Variants in TLE4 observed in about 807,000 individuals in gnomAD.
TLE4 encodes transducin-like enhancer protein 4.
In TLE4, 8 loss-of-function variants were observed where a neutral mutation model predicts 92.8. The ratio of observed to expected loss-of-function variants is 0.09; its 90% CI spans 0.05 to 0.16. The LOEUF is 0.16. TLE4 is among the 10% of genes least tolerant of loss of function. The pLI, the probability that TLE4 is intolerant of heterozygous loss-of-function variation, is 1.00. For missense variants in TLE4, 675 were observed against 997.6 expected, an observed-to-expected ratio of 0.68 and a Z score of 4.36; for synonymous variants, 371 against 374.1, an observed-to-expected ratio of 0.99 and a Z score of 0.10.
chr9:79,676,954 A>C (rs1420839992), intron 8 of TLE4, among the ~76,000 whole-genome samples: 1 of 152,170 alleles, frequency 6.6e-6, no homozygotes, highest in African/African-American at 2.4e-5. Context: ...CATGTGTTTG[A>C]AGATGCATTT....
intron 8 of TLE4, 171 bp from the exon 9 acceptor site, chr9:79,704,612 A>G (rs1275281738): frequency 2.6e-6 from 2 of 768,990 alleles, no homozygotes; most frequent in African/African-American, 3.6e-5. Context: ...CTTTCCCTTT[A>G]TATCCCTGTT....
intron 8 of TLE4, among the ~76,000 whole-genome samples, chr9:79,669,069 T>A (rs939834933): frequency 6.6e-6 from 1 of 152,176 alleles, no homozygotes; most frequent in African/African-American, 2.4e-5. Flanking sequence ...ATTTTCCCTA[T>A]CACAAACCAA....
intron 8 of TLE4, among the ~76,000 whole-genome samples, chr9:79,696,217 A>G (rs2068218981): frequency 1.3e-5 from 2 of 152,356 alleles, no homozygotes; most frequent in East Asian, 1.9e-4. Context: ...TTTTTGAAGT[A>G]TTGGATTAAA....
chr9:79,654,585 G>A (rs2059503966), intron 8 of TLE4, among the ~76,000 whole-genome samples: 2 of 150,104 alleles, frequency 1.3e-5, no homozygotes, highest in African/African-American at 2.5e-5. Context: ...TTAACATTTT[G>A]GTATCTGGTA....
At chr9:79,660,931 A>T (rs971937224) in intron 8 of TLE4, among the ~76,000 whole-genome samples, 1 of 152,168 alleles carries the variant, frequency 6.6e-6, no homozygotes, top group African/African-American at 2.4e-5. Context: ...CCTGGTTGGC[A>T]GGTTGGCTTT....
chr9:79,647,868 G>C (rs2058334459), intron 6 of TLE4, among the ~76,000 whole-genome samples: 1 of 152,030 alleles, frequency 6.6e-6, no homozygotes. Context: ...CAGTGGTGGA[G>C]ATTACTTTGA....
chr9:79,658,523 A>G (rs1363041946), intron 8 of TLE4, among the ~76,000 whole-genome samples: 1 of 152,150 alleles, frequency 6.6e-6, no homozygotes, highest in Admixed American at 6.5e-5. Context: ...TCTATCCCCC[A>G]TTTATTATGT....
intron 8 of TLE4, among the ~76,000 whole-genome samples, chr9:79,657,727 C>T (rs777105064): frequency 1.3e-5 from 2 of 152,144 alleles, no homozygotes; most frequent in Non-Finnish European, 2.9e-5. Flanking sequence ...CGTCTTATTT[C>T]CCACTCCGTC....
intron 4 of TLE4, among the ~76,000 whole-genome samples, chr9:79,600,354 T>A (rs570866753): frequency 6.6e-6 from 1 of 152,034 alleles, no homozygotes; most frequent in African/African-American, 2.4e-5. Flanking sequence ...CAGTTTGTGG[T>A]TGGGGACTTG....
intron 6 of TLE4, among the ~76,000 whole-genome samples, chr9:79,633,968 C>G (rs886309018): frequency 1.3e-5 from 2 of 152,128 alleles, no homozygotes; most frequent in Non-Finnish European, 2.9e-5. Flanking sequence ...TCTCAAAGCT[C>G]CCTAAGAAAC....
Position 79,652,652 on chromosome 9 carries a change from A to G in TLE4, c.450A>G (p.Pro150=). 8 of 1,614,098 alleles carry G rather than the reference A, an allele frequency of 5.0e-6. No homozygotes were observed. Among genetic ancestry groups the G allele is most frequent in the Non-Finnish European group, 5.9e-6 (7 of 1,179,998 alleles). Residue 150 remains proline, a synonymous_variant, in exon 7 of 20, where the codon CCA becomes CCG. Coordinates refer to ENST00000376552, the MANE Select transcript of TLE4 (RefSeq NM_007005.6). ...ATGGTCTCCCCGTACCTCTGACTCC[A>G]CACCCTTCAGGGCTCCAGCCCCCTG... is the stretch of plus-strand genomic sequence containing the variant. The part of the protein sequence containing the change: ...HGHGLPVPLT[P]HPSGLQPPAI...
intron 6 of TLE4, among the ~76,000 whole-genome samples, chr9:79,651,041 C>A (rs2058883145): frequency 2.5e-5 from 1 of 40,132 alleles, no homozygotes; most frequent in African/African-American, 4.6e-5. Flanking sequence ...ATCTCTCTCT[C>A]TCTCTCTCTC....
chr9:79,711,820 T>C (rs932719816), intron 14 of TLE4, among the ~76,000 whole-genome samples: 1 of 152,164 alleles, frequency 6.6e-6, no homozygotes, highest in Non-Finnish European at 1.5e-5. Flanking sequence ...GATTGGAGGA[T>C]TGTTGAGAAT....
At chr9:79,692,513 G>A (rs535109262) in intron 8 of TLE4, among the ~76,000 whole-genome samples, 2 of 152,234 alleles carry the variant, frequency 1.3e-5, no homozygotes, top group South Asian at 2.1e-4. Context: ...AAGGAAGGGC[G>A]GTATGCCTCC....
chr9:79,706,907 G>C lies in TLE4; in HGVS notation c.936+8G>C, dbSNP rs746171980. 4.3e-6 allele frequency: 7 copies of C among 1,613,264 alleles called. No individual in the cohort carries two copies. Among genetic ancestry groups the C allele is most frequent in the African/African-American group, 4.0e-5 (3 of 74,888 alleles). On this transcript the variant is annotated splice_region_variant and intron_variant, in intron 11 of 19. Coordinates refer to ENST00000376552, the MANE Select transcript of TLE4 (RefSeq NM_007005.6). ...TCCAAAGAACTTAGCCTTGTAAGCA[G>C]CTCCTTACCATCTCTCTGAGTGTGG...
chr9:79,660,931 A>G (rs971937224), intron 8 of TLE4, among the ~76,000 whole-genome samples: 2 of 152,168 alleles, frequency 1.3e-5, no homozygotes, highest in Non-Finnish European at 2.9e-5. Flanking sequence ...CCTGGTTGGC[A>G]GGTTGGCTTT....
chr9:79,593,132 T>C (rs778283878), intron 4 of TLE4, among the ~76,000 whole-genome samples: 3 of 152,184 alleles, frequency 2.0e-5, no homozygotes, highest in Non-Finnish European at 2.9e-5. Flanking sequence ...TAAGATGAAA[T>C]TAAAAAGGCC....
At position 79,686,852 on chromosome 9, in the gene TLE4, G is replaced by A. The variant is rs142606935; in HGVS notation, c.610-17931G>A. ...GAAACTAATAATGGCTCCCAAGAGC[G>A]AAGTTTATCTGTCAGTTGTGTTTCA... On this transcript the variant is annotated intron_variant, in intron 8 of 19. Transcript: ENST00000376552. 5.5e-3 allele frequency among the ~76,000 whole-genome samples: 832 copies of A among 152,318 alleles called. 13 individuals are homozygous for A. Among genetic ancestry groups the A allele is most frequent in the African/African-American group, 0.019 (780 of 41,572 alleles).
chr9:79,604,440 A>G (rs2046357881), intron 4 of TLE4, among the ~76,000 whole-genome samples: 1 of 152,200 alleles, frequency 6.6e-6, no homozygotes, highest in Non-Finnish European at 1.5e-5. Context: ...GCAGCTACTC[A>G]TAGTGAGAAA....
Sources: gnomAD v4.1 joint callset for allele counts (sites outside exome capture counted in the v4.1 genomes callset) on GRCh38, gnomAD v4.1.1 for gene constraint, MANE v1.5 for transcripts, NCBI Gene and HGNC (gene_info 2026-07-23, HGNC 2026-07-21) for gene names.